Variants in NAA11 observed in about 807,000 individuals in gnomAD.
NAA11 encodes the protein N-alpha-acetyltransferase 11, NatA catalytic subunit, also known as N-alpha-acetyltransferase 11.
A neutral mutation model predicts 16.1 loss-of-function variants in NAA11; 15 were observed. The ratio of observed to expected loss-of-function variants is 0.93; its 90% confidence interval spans 0.62 to 1.44. The LOEUF is 1.44. Ranked by LOEUF, NAA11 falls within the 40% of genes most tolerant of loss-of-function variation. The probability of loss-of-function intolerance (pLI) is 0.00; values close to 1 mark genes in which losing one functional copy is unlikely to be tolerated. For synonymous variants in NAA11, 122 were observed against 112.4 expected, an observed-to-expected ratio of 1.09 and a Z score of -0.54; for missense variants, 298 against 291.3, an observed-to-expected ratio of 1.02 and a Z score of -0.17.
At chr4:79,243,711 G>A (rs561979321) in intron 2 of NAA11, among the ~76,000 whole-genome samples, 25 of 152,238 alleles carry the variant, frequency 1.6e-4, no homozygotes, top group South Asian at 1.0e-3. Flanking sequence ...TTCAACTGAG[G>A]GGCATAAAAC....
the NAA11 span, among the ~76,000 whole-genome samples, chr4:79,186,791 T>A: frequency 6.6e-6 from 1 of 152,168 alleles, no homozygotes; most frequent in East Asian, 1.9e-4. Flanking sequence ...CAGTTTCAAT[T>A]CCTTAAATCC....
At chr4:79,217,418 A>G in the NAA11 span, among the ~76,000 whole-genome samples, 1 of 152,180 alleles carries the variant, frequency 6.6e-6, no homozygotes, top group African/African-American at 2.4e-5. Flanking sequence ...TTCCCCCAAA[A>G]GCTTGGGGTT....
chr4:79,246,249 G>A (rs1183906623), intron 2 of NAA11, among the ~76,000 whole-genome samples: 2 of 151,756 alleles, frequency 1.3e-5, no homozygotes, highest in Non-Finnish European at 2.9e-5. Flanking sequence ...AAGGCTGCAG[G>A]GTCCTCTGCC....
the NAA11 span, among the ~76,000 whole-genome samples, chr4:79,183,568 A>G: frequency 6.6e-6 from 1 of 152,170 alleles, no homozygotes; most frequent in Non-Finnish European, 1.5e-5. Flanking sequence ...CATTGCAGAA[A>G]GAGGATTCCC....
chr4:79,302,949 A>G (rs947364765), intron 1 of NAA11, among the ~76,000 whole-genome samples: 1 of 151,430 alleles, frequency 6.6e-6, no homozygotes, highest in Admixed American at 6.6e-5. Context: ...TGAGACTTTG[A>G]ATTTTAGGGT....
At chr4:79,179,181 G>A in the NAA11 span, among the ~76,000 whole-genome samples, 31 of 152,184 alleles carry the variant, frequency 2.0e-4, no homozygotes, top group Non-Finnish European at 3.8e-4. Context: ...ATTTTTTGAC[G>A]TATGATATTC....
chr4:79,295,359 G>A (rs1347020146), intron 1 of NAA11, among the ~76,000 whole-genome samples: 1 of 152,178 alleles, frequency 6.6e-6, no homozygotes, highest in African/African-American at 2.4e-5. Flanking sequence ...ATCTTGCTCA[G>A]GAAATCTGTT....
chr4:79,325,979 C>A lies in NAA11; in HGVS notation c.-102G>T. The A allele has an allele frequency of 1.0e-6, 1 of 973,352 alleles. No homozygotes were observed. The highest frequency in any genetic ancestry group is 1.5e-6 in the Non-Finnish European group (1 of 654,992). 60.3% of individuals were successfully genotyped at this position (973,352 alleles called of 1,614,324 possible). On this transcript the variant is annotated 5_prime_UTR_variant, in exon 1 of 2. Coordinates refer to ENST00000286794, the MANE Select transcript of NAA11 (RefSeq NM_032693.3). ...TGCCTCAGGAATCGAGTCCAGGGGG[C>A]TAACACCACCGGGCTGAATCGTGTG...
chr4:79,193,117 G>T, the NAA11 span, among the ~76,000 whole-genome samples: 2 of 152,038 alleles, frequency 1.3e-5, no homozygotes, highest in Non-Finnish European at 2.9e-5. Context: ...GTAGATTCTG[G>T]ATATTAGCCC....
At chr4:79,175,917 G>A in the NAA11 span, among the ~76,000 whole-genome samples, 1 of 152,150 alleles carries the variant, frequency 6.6e-6, no homozygotes, top group African/African-American at 2.4e-5. Context: ...GTAGGTGCTA[G>A]AGCTGTCTTT....
At chr4:79,233,858 T>C (rs1317947486) in intron 2 of NAA11, among the ~76,000 whole-genome samples, 2 of 152,086 alleles carry the variant, frequency 1.3e-5, no homozygotes, top group African/African-American at 4.8e-5. Flanking sequence ...TTTGCTATTA[T>C]GGTTAAGGAA....
chr4:79,162,711 A>G, the NAA11 span, among the ~76,000 whole-genome samples: 1 of 152,198 alleles, frequency 6.6e-6, no homozygotes, highest in Non-Finnish European at 1.5e-5. Context: ...TTAATCTGGC[A>G]TGGCATGGGA....
intron 2 of NAA11, among the ~76,000 whole-genome samples, chr4:79,234,313 A>G (rs761248121): frequency 1.8e-4 from 27 of 152,108 alleles, no homozygotes; most frequent in Non-Finnish European, 3.7e-4. Flanking sequence ...GCAGCCATCA[A>G]TTTGCCCCTT....
At chr4:79,190,769 G>A in the NAA11 span, among the ~76,000 whole-genome samples, 4 of 151,712 alleles carry the variant, frequency 2.6e-5, no homozygotes, top group Admixed American at 6.6e-5. Context: ...TTCCTCACCC[G>A]GGTATTAAGC....
chr4:79,325,295 T>C lies in NAA11; in HGVS notation c.583A>G (p.Lys195Glu), dbSNP rs753965005. 4 of 1,613,740 alleles carry C rather than the reference T, an allele frequency of 2.5e-6. No homozygotes were observed. Among genetic ancestry groups the C allele is most frequent in the Non-Finnish European group, 3.4e-6 (4 of 1,179,830 alleles). Residue 195 changes from lysine (K) to glutamate (E), a missense_variant, in exon 1 of 2, where the codon AAG (lysine) becomes GAG (glutamate). Transcript: ENST00000286794. ...LSDSEEACQQ[K>E]NPATEESGSD... ...CCACTTTCTTCGGTAGCCGGGTTCT[T>C]TTGCTGACAGGCCTCTTCAGAATCA...
At chr4:79,307,614 C>A (rs149200485) in intron 1 of NAA11, among the ~76,000 whole-genome samples, 1 of 151,896 alleles carries the variant, frequency 6.6e-6, no homozygotes, top group Non-Finnish European at 1.5e-5. Context: ...AATAATGAGA[C>A]GAAGGTAAAA....
chr4:79,202,609 A>C, the NAA11 span, among the ~76,000 whole-genome samples: 1 of 80,972 alleles, frequency 1.2e-5, no homozygotes, highest in Non-Finnish European at 2.7e-5. Flanking sequence ...TTTTATATAC[A>C]GTTATATATA....
chr4:79,165,836 T>C, the NAA11 span, among the ~76,000 whole-genome samples: 1 of 152,226 alleles, frequency 6.6e-6, no homozygotes, highest in East Asian at 1.9e-4. Flanking sequence ...CTAATAGTGG[T>C]TACAAAGTAT....
chr4:79,233,666 C>T (rs1396624397), intron 2 of NAA11, among the ~76,000 whole-genome samples: 1 of 151,968 alleles, frequency 6.6e-6, no homozygotes, highest in Non-Finnish European at 1.5e-5. Flanking sequence ...ACCTGGTAGC[C>T]TACTTGTGGA....
Sources: gnomAD v4.1 joint callset for allele counts (sites outside exome capture counted in the v4.1 genomes callset) on GRCh38, gnomAD v4.1.1 for gene constraint, MANE v1.5 for transcripts, NCBI Gene and HGNC (gene_info 2026-07-23, HGNC 2026-07-21) for gene names.